Variants in PTPRD observed in about 807,000 individuals in gnomAD.
PTPRD encodes protein tyrosine phosphatase receptor type D.
In PTPRD, 34 loss-of-function variants were observed where a neutral mutation model predicts 214.5. The ratio of observed to expected loss-of-function variants is 0.16; its 90% CI spans 0.12 to 0.21. The LOEUF (loss-of-function observed/expected upper bound fraction) is 0.21, where lower values mean the gene tolerates loss of function less well. PTPRD is among the 10% of genes least tolerant of loss of function. The pLI is 1.00. For missense variants in PTPRD, 2,545 were observed against 2,398.7 expected (o/e 1.06, Z -1.27); for synonymous variants, 1,128 against 845.7 (o/e 1.33, Z -5.79).
At chr9:8,460,019 C>T (rs2096346869) in intron 33 of PTPRD, among the ~76,000 whole-genome samples, 1 of 152,024 alleles carries the variant, frequency 6.6e-6, no homozygotes, top group African/African-American at 2.4e-5. Context: ...ATTGCAAAAT[C>T]GTGATAGTGT....
intron 12 of PTPRD, chr9:8,713,644 G>GACATGGGCGCC: frequency 6.6e-7 from 1 of 1,526,348 alleles, no homozygotes; most frequent in Non-Finnish European, 9.0e-7. Flanking sequence ...GTGCTACCGA[G>GACATGGGCGCC]ACATGGGCGC....
chr9:10,345,347 A>G (rs903983702), intron 2 of PTPRD, among the ~76,000 whole-genome samples: 2 of 152,072 alleles, frequency 1.3e-5, no homozygotes, highest in Non-Finnish European at 2.9e-5. Flanking sequence ...TACACATGCC[A>G]TCGTGGTTTG....
intron 10 of PTPRD, among the ~76,000 whole-genome samples, chr9:9,080,940 A>C (rs1488127058): frequency 6.6e-6 from 1 of 152,112 alleles, no homozygotes; most frequent in Non-Finnish European, 1.5e-5. Context: ...TTTTCAAAAA[A>C]ACAGCTCCTG....
chr9:10,037,441 C>T (rs916339229), intron 3 of PTPRD, among the ~76,000 whole-genome samples: 2 of 152,114 alleles, frequency 1.3e-5, no homozygotes, highest in Admixed American at 1.3e-4. Context: ...AAGATGCCTG[C>T]TCCAGCTTCA....
At chr9:8,720,131 T>C (rs886658010) in intron 12 of PTPRD, among the ~76,000 whole-genome samples, 4 of 152,226 alleles carry the variant, frequency 2.6e-5, no homozygotes, top group Non-Finnish European at 5.9e-5. Flanking sequence ...GTCACTCATA[T>C]GGCTTATAGT....
chr9:9,837,350 T>C (rs982792931), intron 5 of PTPRD, among the ~76,000 whole-genome samples: 6 of 152,122 alleles, frequency 3.9e-5, no homozygotes, highest in African/African-American at 1.4e-4. Flanking sequence ...GGAGCAGTGA[T>C]AAGAAAGATG....
At chr9:9,231,612 C>T (rs2099963149) in intron 9 of PTPRD, among the ~76,000 whole-genome samples, 1 of 152,118 alleles carries the variant, frequency 6.6e-6, no homozygotes, top group Non-Finnish European at 1.5e-5. Context: ...TAGGTATATG[C>T]CAAAGTCAGC....
chr9:9,471,614 T>C (rs1755030361), intron 8 of PTPRD, among the ~76,000 whole-genome samples: 1 of 152,200 alleles, frequency 6.6e-6, no homozygotes, highest in South Asian at 2.1e-4. Flanking sequence ...TGTTTTTGTA[T>C]TCCTGATCAA....
intron 2 of PTPRD, among the ~76,000 whole-genome samples, chr9:10,485,703 ATAT>A (rs1454476704): frequency 6.6e-6 from 1 of 151,956 alleles, no homozygotes; most frequent in Non-Finnish European, 1.5e-5. Flanking sequence ...TTGTGTGTTG[ATAT>A]TATATCCTGA....
intron 12 of PTPRD, among the ~76,000 whole-genome samples, chr9:8,722,390 T>C (rs957019920): frequency 1.3e-5 from 2 of 152,154 alleles, no homozygotes; most frequent in African/African-American, 4.8e-5. Context: ...TGTACTATTT[T>C]AGAGAAAACA....
chr9:10,466,545 C>A (rs1391435810), intron 2 of PTPRD, among the ~76,000 whole-genome samples: 1 of 147,128 alleles, frequency 6.8e-6, no homozygotes, highest in Non-Finnish European at 1.5e-5. Context: ...ATCACTTGAA[C>A]CCAGGAGGCA....
At chr9:9,354,286 G>A (rs940562897) in intron 9 of PTPRD, among the ~76,000 whole-genome samples, 1 of 151,732 alleles carries the variant, frequency 6.6e-6, no homozygotes, top group African/African-American at 2.4e-5. Context: ...ATGGGTATAT[G>A]AATCCTGGGG....
At chr9:9,321,781 G>T (rs555434392) in intron 9 of PTPRD, among the ~76,000 whole-genome samples, 15 of 152,212 alleles carry the variant, frequency 9.9e-5, no homozygotes, top group East Asian at 3.9e-4. Flanking sequence ...TTGTAGCAGG[G>T]TCTATGTCAT....
intron 3 of PTPRD, among the ~76,000 whole-genome samples, chr9:10,184,204 T>G (rs1475955309): frequency 1.3e-5 from 2 of 152,060 alleles, no homozygotes; most frequent in African/African-American, 4.8e-5. Context: ...GTGGGCAGAT[T>G]ACTTGATGTC....
chr9:9,192,422 G>T (rs1275472876), intron 9 of PTPRD, among the ~76,000 whole-genome samples: 1 of 152,042 alleles, frequency 6.6e-6, no homozygotes, highest in Non-Finnish European at 1.5e-5. Flanking sequence ...GTATCCTAGT[G>T]ATTAAAAGGT....
At chr9:10,222,523 G>A (rs2099574707) in intron 3 of PTPRD, among the ~76,000 whole-genome samples, 1 of 152,064 alleles carries the variant, frequency 6.6e-6, no homozygotes, top group Non-Finnish European at 1.5e-5. Flanking sequence ...GACTTAATAT[G>A]AGTGGACATT....
intron 2 of PTPRD, among the ~76,000 whole-genome samples, chr9:10,558,858 A>C (rs916906910): frequency 5.3e-5 from 8 of 152,174 alleles, no homozygotes; most frequent in Non-Finnish European, 7.3e-5. Context: ...TAAGGAAATA[A>C]CCACCAGAAA....
intron 2 of PTPRD, among the ~76,000 whole-genome samples, chr9:10,591,472 A>C (rs1403584789): frequency 6.6e-6 from 1 of 152,064 alleles, no homozygotes; most frequent in Non-Finnish European, 1.5e-5. Context: ...AGATTTCATA[A>C]AGAATTCAAG....
chr9:9,435,321 G>C (rs190052763), intron 8 of PTPRD, among the ~76,000 whole-genome samples: 5 of 151,996 alleles, frequency 3.3e-5, no homozygotes, highest in Admixed American at 2.6e-4. Flanking sequence ...GACAAGCCCA[G>C]TCAACATAGT....
Sources: gnomAD v4.1 joint callset for allele counts (sites outside exome capture counted in the v4.1 genomes callset) on GRCh38, gnomAD v4.1.1 for gene constraint, MANE v1.5 for transcripts, NCBI Gene and HGNC (gene_info 2026-07-23, HGNC 2026-07-21) for gene names.